Variants in GMNC observed in about 807,000 individuals in gnomAD.
The protein encoded by GMNC is geminin coiled-coil domain-containing protein 1.
Under a neutral mutation model 33.6 loss-of-function variants are expected in GMNC, and 16 were observed. The observed-to-expected ratio is 0.48, with a 90% CI of 0.32 to 0.72. GMNC has a LOEUF of 0.72. GMNC is among the 30% of genes least tolerant of loss of function. The probability of loss-of-function intolerance (pLI) is 0.03; values close to 1 mark genes in which losing one functional copy is unlikely to be tolerated. For missense variants in GMNC, 393 were observed against 388.9 expected (o/e 1.01, Z -0.09); for synonymous variants, 156 against 147.3 (o/e 1.06, Z -0.43).
chr3:190,843,993 T>A, the GMNC span, among the ~76,000 whole-genome samples: 1 of 152,206 alleles, frequency 6.6e-6, no homozygotes, highest in African/African-American at 2.4e-5. Context: ...ATAGAAGGAT[T>A]TGAATAAATA....
chr3:190,849,372 G>GA (rs397732164), downstream of GMNC, among the ~76,000 whole-genome samples: 4 of 152,040 alleles, frequency 2.6e-5, no homozygotes, highest in African/African-American at 9.7e-5. Context: ...TGGGCCAGGG[G>GA]TGGAAGAAGA....
the GMNC span, among the ~76,000 whole-genome samples, chr3:190,844,373 A>G: frequency 6.6e-6 from 1 of 151,840 alleles, no homozygotes; most frequent in African/African-American, 2.4e-5. Context: ...AGCTTTGTCT[A>G]TATATACACA....
chr3:190,857,337 A>G (rs1417513341), intron 4 of GMNC, among the ~76,000 whole-genome samples: 1 of 151,984 alleles, frequency 6.6e-6, no homozygotes, highest in Non-Finnish European at 1.5e-5. Flanking sequence ...AGCATTTTAG[A>G]TCTAGCAGAA....
rs1165203076 is a variant in GMNC, at chr3:190,855,851, G to A, written c.449C>T (p.Ser150Phe). 1.9e-6 allele frequency: 3 copies of A among 1,550,900 alleles called. No individual in the cohort carries two copies. The highest frequency in any genetic ancestry group is 2.4e-5 in the South Asian group (2 of 84,048). ...AGCAGGAGAGTATCTTTGCTCTTTG[G>A]ATTTTCTCTTCCCCTTCCTGAATTT... ...YGKFRKGKRK[S>F]KEQRYSPAEI... The change falls in exon 5 of 5, where the codon TCC (serine) becomes TTC (phenylalanine). Residue 150 changes from serine to phenylalanine, a missense_variant. Coordinates refer to ENST00000442080, the MANE Select transcript of GMNC (RefSeq NM_001146686.3).
At chr3:190,856,986 A>T (rs373357696) in intron 4 of GMNC, among the ~76,000 whole-genome samples, 9 of 151,650 alleles carry the variant, frequency 5.9e-5, no homozygotes, top group African/African-American at 1.9e-4. Flanking sequence ...AGTGTCTTCT[A>T]TTCTCTGAAC....
the GMNC span, among the ~76,000 whole-genome samples, chr3:190,844,779 T>C: frequency 1.3e-5 from 2 of 152,052 alleles, no homozygotes; most frequent in Non-Finnish European, 2.9e-5. Flanking sequence ...CAAAGAAATA[T>C]TAAAGTATTC....
At chr3:190,858,672 A>G (rs1393054) in intron 3 of GMNC, among the ~76,000 whole-genome samples, 60,923 of 152,112 alleles carry the variant, frequency 0.4, 13,814 homozygotes, top group African/African-American at 0.63. Context: ...AAATGAGGAC[A>G]AGGAAAAGGA....
intron 4 of GMNC, among the ~76,000 whole-genome samples, chr3:190,856,403 T>G (rs1421034052): frequency 7.5e-6 from 1 of 132,454 alleles, no homozygotes; most frequent in Non-Finnish European, 1.6e-5. Flanking sequence ...ATTTATATAT[T>G]TATAAATATA....
At chr3:190,844,303 CT>C in the GMNC span, among the ~76,000 whole-genome samples, 5 of 151,928 alleles carry the variant, frequency 3.3e-5, no homozygotes, top group Non-Finnish European at 7.4e-5. Context: ...CCCAAATTCT[CT>C]TTTTTTCTAT....
rs183085266 is a variant in GMNC at position 190,861,389 on chromosome 3, G to A, written c.4-531C>T. On this transcript the variant is annotated intron_variant, in intron 1 of 4. Coordinates refer to ENST00000442080, the MANE Select transcript of GMNC (RefSeq NM_001146686.3). The surrounding 1 kb of genome is among the most constrained non-coding windows in gnomAD (Gnocchi z 5.1). ...TGCCTTATTCCTTCCTTTTTCCTCCGTCTGACCTAACATACTGCTGGCTCA... is the reference window on the plus strand; with the variant it reads ...TGCCTTATTCCTTCCTTTTTCCTCCATCTGACCTAACATACTGCTGGCTCA... Among the ~76,000 whole-genome samples the A allele has an allele frequency of 7.2e-5, 11 of 151,816 alleles. No homozygotes were observed. The highest frequency in any genetic ancestry group is 3.9e-4 in the East Asian group (2 of 5,184).
At chr3:190,851,335 G>T (rs1737630205), downstream of GMNC, among the ~76,000 whole-genome samples, 1 of 152,106 alleles carries the variant, frequency 6.6e-6, no homozygotes, top group Non-Finnish European at 1.5e-5. Flanking sequence ...ATCCCATGTT[G>T]GTTTCTGTCA....
At chr3:190,860,646 C>T (rs1456622473) in intron 2 of GMNC, 38 bp downstream of exon 2, 1 of 1,516,710 alleles carries the variant, frequency 6.6e-7, no homozygotes, top group Non-Finnish European at 8.9e-7. Context: ...TGGAAAAGAG[C>T]TCCAGATCTA....
At chr3:190,846,899 T>C in the GMNC span, among the ~76,000 whole-genome samples, 20 of 152,364 alleles carry the variant, frequency 1.3e-4, no homozygotes, top group African/African-American at 3.6e-4. Context: ...ACTGAGTCCA[T>C]GTGTTTTAAA....
intron 3 of GMNC, among the ~76,000 whole-genome samples, chr3:190,858,632 A>G (rs1452195906): frequency 6.6e-6 from 1 of 152,232 alleles, no homozygotes; most frequent in East Asian, 1.9e-4. Context: ...ACGCTCTCTG[A>G]GATAGGCAGT....
intron 4 of GMNC, 122 bp from the exon 5 acceptor site, chr3:190,856,037 G>T: frequency 1.4e-6 from 1 of 716,940 alleles, no homozygotes; most frequent in Non-Finnish European, 2.2e-6. Context: ...TAGCTTGTTT[G>T]TAAAGTAAAA....
chr3:190,862,619 G>A lies in GMNC; in HGVS notation c.-4C>T. On this transcript the variant is annotated 5_prime_UTR_variant, in exon 1 of 5. Coordinates refer to ENST00000442080, the MANE Select transcript of GMNC (RefSeq NM_001146686.3). This position sits in a 1 kb window ranked among gnomAD's most constrained non-coding sequence, Gnocchi z 4.5. ...ACGCCAGTTCCTCACTTACCATCTT[G>A]CAGTGGAAGAAAGCGCTGCAGAAAC... The A allele has an allele frequency of 6.4e-7, 1 of 1,551,964 alleles. No homozygotes were observed. Among genetic ancestry groups the A allele is most frequent in the Non-Finnish European group, 8.7e-7 (1 of 1,146,818 alleles).
At chr3:190,856,058 C>T (rs1341094066) in intron 4 of GMNC, 143 bp from the exon 5 acceptor site, 1 of 620,390 alleles carries the variant, frequency 1.6e-6, no homozygotes, top group South Asian at 2.5e-5. Context: ...TCTGTGATGA[C>T]AAGTTACTGC....
downstream of GMNC, among the ~76,000 whole-genome samples, chr3:190,851,914 T>C (rs1233275434): frequency 6.6e-6 from 1 of 151,960 alleles, no homozygotes; most frequent in Non-Finnish European, 1.5e-5. Flanking sequence ...AAATATTAAG[T>C]GTTAAATTAT....
In GMNC at chr3:190,855,680, G is replaced by A. The variant is rs1382370642; in HGVS notation, c.620C>T (p.Ala207Val). The A allele has an allele frequency of 5.8e-6, 9 of 1,551,616 alleles. No individual in the cohort carries two copies. Among genetic ancestry groups the A allele is most frequent in the Non-Finnish European group, 7.8e-6 (9 of 1,146,930 alleles). ...ATGAGATGCGAGGGCACTGTAGTTAGCTGATGAGGTGTCATCGATAGTGTC... is the reference window on the plus strand; with the variant it reads ...ATGAGATGCGAGGGCACTGTAGTTAACTGATGAGGTGTCATCGATAGTGTC... The part of the protein sequence containing the change: ...DLDTIDDTSS[A>V]NYSALASHPR... Residue 207 changes from alanine (A) to valine (V), a missense_variant, in exon 5 of 5, where the codon GCT becomes GTT. Ala to Val is a moderately conservative substitution (Grantham distance 64). Coordinates refer to ENST00000442080, the MANE Select transcript of GMNC (RefSeq NM_001146686.3).
Sources: allele counts gnomAD v4.1 joint callset (sites outside exome capture counted in the v4.1 genomes callset), GRCh38; gene constraint gnomAD v4.1.1; non-coding constraint Gnocchi (gnomAD v3.1); transcripts MANE v1.5; gene names NCBI Gene and HGNC (gene_info 2026-07-23, HGNC 2026-07-21).